ENTPD5: variants seen among roughly 807,000 people sequenced by gnomAD.
The protein encoded by ENTPD5 is ectonucleoside triphosphate diphosphohydrolase 5 (inactive), also known as nucleoside diphosphate phosphatase ENTPD5.
Under a neutral mutation model 60.2 loss-of-function variants are expected in ENTPD5, and 49 were observed. That is an observed-to-expected ratio of 0.81 (90% CI 0.65 to 1.03). ENTPD5 has a LOEUF of 1.03. Among genes scored for constraint, ENTPD5 ranks in the 50% least tolerant of loss-of-function variants. The pLI is 0.00. For missense variants in ENTPD5, 480 were observed against 507.6 expected, an observed-to-expected ratio of 0.95 and a Z score of 0.52; for synonymous variants, 187 against 185.4, an observed-to-expected ratio of 1.01 and a Z score of -0.07.
At chr14:74,010,567 TAA>T (rs1040806031) in intron 3 of ENTPD5, among the ~76,000 whole-genome samples, 6 of 150,374 alleles carry the variant, frequency 4.0e-5, no homozygotes, top group Admixed American at 6.6e-5. Context: ...AAAAAAAAAA[TAA>T]AAAGTGTTTC....
At chr14:73,973,323 C>T (rs1346663120) in intron 12 of ENTPD5, among the ~76,000 whole-genome samples, 1 of 152,174 alleles carries the variant, frequency 6.6e-6, no homozygotes, top group East Asian at 1.9e-4. Flanking sequence ...CTAAAGGGCT[C>T]GCCTGCTTCC....
At chr14:73,960,384 A>G, downstream of ENTPD5, 2 of 987,686 alleles carry the variant, frequency 2.0e-6, no homozygotes, top group Non-Finnish European at 2.4e-6. Flanking sequence ...CCTTTGGATA[A>G]TATGGGTACC....
intron 3 of ENTPD5, among the ~76,000 whole-genome samples, chr14:74,007,285 G>A (rs2058707751): frequency 6.6e-6 from 1 of 152,184 alleles, no homozygotes; most frequent in South Asian, 2.1e-4. Context: ...ACTTTGGGAG[G>A]TCAAGGAGGG....
chr14:73,993,866 C>T (rs983463323), intron 3 of ENTPD5, among the ~76,000 whole-genome samples: 11 of 151,252 alleles, frequency 7.3e-5, no homozygotes, highest in African/African-American at 2.7e-4. Context: ...TGTTTTTCTT[C>T]CAGAGATTTC....
downstream of ENTPD5, chr14:73,959,878 G>T: frequency 8.1e-7 from 1 of 1,236,866 alleles, no homozygotes; most frequent in South Asian, 1.7e-5. Flanking sequence ...CCAGAAAGGT[G>T]GTTTTGAGTC....
intron 2 of ENTPD5, among the ~76,000 whole-genome samples, chr14:74,011,596 T>G (rs1817928241): frequency 1.3e-5 from 2 of 152,080 alleles, no homozygotes; most frequent in African/African-American, 2.4e-5. Flanking sequence ...CAGGAGTTTG[T>G]GACCAACCTG....
intron 5 of ENTPD5, among the ~76,000 whole-genome samples, chr14:73,983,704 G>A (rs113400046): frequency 0.4 from 58,580 of 146,936 alleles, 12,669 homozygotes; most frequent in South Asian, 0.49. Flanking sequence ...ATTTTTTTTG[G>A]GACATTCTTG....
chr14:73,987,404 G>C (rs78208447), intron 4 of ENTPD5, among the ~76,000 whole-genome samples: 1,833 of 152,258 alleles, frequency 0.012, 37 homozygotes, highest in African/African-American at 0.041. Context: ...CATGTGTTCT[G>C]GCCAAGCATG....
chr14:73,967,112 G>A, intron 15 of ENTPD5, 98 bp from the exon 16 acceptor site: 2 of 1,001,060 alleles, frequency 2.0e-6, no homozygotes, highest in Non-Finnish European at 3.0e-6. Context: ...ATATCCACAT[G>A]GGCAAACCAA....
At chr14:73,982,971 T>C (rs1448843908) in intron 6 of ENTPD5, 47 bp downstream of exon 6, 2 of 1,587,638 alleles carry the variant, frequency 1.3e-6, no homozygotes, top group Non-Finnish European at 1.7e-6. Context: ...AAAGTATTCA[T>C]ATAGGGAAAA....
intron 10 of ENTPD5, among the ~76,000 whole-genome samples, chr14:73,975,403 CTTT>C (rs56885977): frequency 1.6e-3 from 181 of 115,538 alleles, no homozygotes; most frequent in Middle Eastern, 4.2e-3. Flanking sequence ...GCTTTTGATT[CTTT>C]TTTTTTTTTT....
downstream of ENTPD5, chr14:73,955,461 C>G (rs1300019144): frequency 6.2e-7 from 1 of 1,613,974 alleles, no homozygotes; most frequent in African/African-American, 1.3e-5. Context: ...GTTTTGGTGC[C>G]TGGGACCATA....
downstream of ENTPD5, chr14:73,961,709 G>C (rs970762694): frequency 4.3e-6 from 7 of 1,613,564 alleles, no homozygotes; most frequent in African/African-American, 9.3e-5. Flanking sequence ...TATTGGATTA[G>C]GGATTTAATC....
chr14:73,994,741 A>G (rs992511840), intron 3 of ENTPD5, among the ~76,000 whole-genome samples: 16 of 151,754 alleles, frequency 1.1e-4, no homozygotes, highest in Admixed American at 3.9e-4. Flanking sequence ...AAAAAAAAAA[A>G]AAAAGTCTTA....
At chr14:73,997,326 CTGT>C (rs1346638068) in intron 3 of ENTPD5, among the ~76,000 whole-genome samples, 1 of 152,046 alleles carries the variant, frequency 6.6e-6, no homozygotes, top group Non-Finnish European at 1.5e-5. Context: ...TTATGTCTTT[CTGT>C]TGACTCCCTA....
At chr14:73,958,524 C>G (rs1566688128), downstream of ENTPD5, 8 of 1,337,928 alleles carry the variant, frequency 6.0e-6, no homozygotes. Context: ...GGACAGGCAC[C>G]AGAGTGTTGG....
At chr14:73,996,094 A>T (rs1251727976) in intron 3 of ENTPD5, 13 of 974,074 alleles carry the variant, frequency 1.3e-5, no homozygotes, top group Non-Finnish European at 1.6e-5. Context: ...CCTGGGCCCC[A>T]TTCATGTGCT....
chr14:73,959,397 G>C (rs747779472), downstream of ENTPD5: 7 of 1,614,030 alleles, frequency 4.3e-6, no homozygotes, highest in African/African-American at 4.0e-5. Context: ...CGTTGGTATT[G>C]GTGTTCTTTT....
At chr14:73,956,051 G>A (rs564957481), downstream of ENTPD5, 72 of 1,453,370 alleles carry the variant, frequency 5.0e-5, no homozygotes, top group Admixed American at 7.1e-4. Flanking sequence ...ATGGCCGGGT[G>A]CGGTGGCTCA....
Sources: allele counts gnomAD v4.1 joint callset (sites outside exome capture counted in the v4.1 genomes callset), GRCh38; gene constraint gnomAD v4.1.1; transcripts MANE v1.5; gene names NCBI Gene and HGNC (gene_info 2026-07-23, HGNC 2026-07-21).